CADM2: variants seen among roughly 807,000 people sequenced by gnomAD.
CADM2 encodes cell adhesion molecule 2.
Under a neutral mutation model 49.8 loss-of-function variants are expected in CADM2, and 12 were observed. The ratio of observed to expected loss-of-function variants is 0.24; its 90% CI spans 0.15 to 0.39. The LOEUF is 0.39. Among genes scored for constraint, CADM2 ranks in the 10% least tolerant of loss-of-function variants. The pLI is 1.00. For synonymous variants in CADM2, 214 were observed against 175.4 expected (o/e 1.22, Z -1.74); for missense variants, 378 against 492.3 (o/e 0.77, Z 2.20).
intron 1 of CADM2, among the ~76,000 whole-genome samples, chr3:85,455,422 T>G (rs1175817585): frequency 6.6e-6 from 1 of 152,214 alleles, no homozygotes; most frequent in Non-Finnish European, 1.5e-5. Flanking sequence ...ACATCCACCC[T>G]ACTGATGTCT....
At chr3:85,125,905 T>C (rs911636551) in intron 1 of CADM2, among the ~76,000 whole-genome samples, 1 of 152,234 alleles carries the variant, frequency 6.6e-6, no homozygotes, top group Non-Finnish European at 1.5e-5. Flanking sequence ...TAGAAGCCAA[T>C]CCTCAGGTAA....
intron 1 of CADM2, among the ~76,000 whole-genome samples, chr3:84,994,703 A>T (rs2033079482): frequency 6.6e-6 from 1 of 152,150 alleles, no homozygotes; most frequent in Non-Finnish European, 1.5e-5. Flanking sequence ...ATATTTTTGG[A>T]TATACATAAA....
At chr3:85,170,405 C>G (rs1215577725) in intron 1 of CADM2, among the ~76,000 whole-genome samples, 1 of 150,836 alleles carries the variant, frequency 6.6e-6, no homozygotes, top group Non-Finnish European at 1.5e-5. Flanking sequence ...GTGGCGCGAT[C>G]TCAGCTCACT....
At chr3:85,986,253 C>G (rs776784507) in intron 8 of CADM2, among the ~76,000 whole-genome samples, 7 of 151,416 alleles carry the variant, frequency 4.6e-5, no homozygotes, top group Admixed American at 4.6e-4. Context: ...AAAGAAACAT[C>G]AGAATAAAAG....
rs191128035 is a variant in CADM2, at chr3:86,064,526, G to A, written c.971-1079G>A. Among the ~76,000 whole-genome samples, 69 of 152,272 alleles carry A rather than the reference G, an allele frequency of 4.5e-4. 1 individual carries two copies. In the East Asian group the frequency reaches 0.012, roughly 27 times the overall value. Reference sequence around the variant, plus strand: ...TGCCGCAATAAACATGTGTGTGCACGTGTCTTTATAGCAGCATGATTTATA... The same window carrying A: ...TGCCGCAATAAACATGTGTGTGCACATGTCTTTATAGCAGCATGATTTATA... On this transcript the variant is annotated intron_variant, in intron 8 of 9. Transcript: ENST00000383699.
intron 1 of CADM2, among the ~76,000 whole-genome samples, chr3:85,425,489 AT>A (rs2036358436): frequency 6.6e-6 from 1 of 152,182 alleles, no homozygotes; most frequent in South Asian, 2.1e-4. Flanking sequence ...ATATGTATCT[AT>A]TTTGTGTGTG....
intron 1 of CADM2, among the ~76,000 whole-genome samples, chr3:84,963,930 G>T (rs949556944): frequency 1.3e-5 from 2 of 152,084 alleles, no homozygotes; most frequent in Non-Finnish European, 2.9e-5. Context: ...TTGGAAAGTG[G>T]AGCCTATATA....
intron 1 of CADM2, among the ~76,000 whole-genome samples, chr3:85,004,041 A>G (rs779463326): frequency 2.6e-5 from 4 of 152,158 alleles, no homozygotes; most frequent in Non-Finnish European, 5.9e-5. Flanking sequence ...ACTTTTTAAG[A>G]GGCTGTTGAG....
chr3:85,288,452 G>A (rs184903665), intron 1 of CADM2, among the ~76,000 whole-genome samples: 7 of 151,822 alleles, frequency 4.6e-5, no homozygotes, highest in East Asian at 3.9e-4. Context: ...CATATATTCT[G>A]CAAAGAAAAT....
At chr3:85,365,276 C>T (rs2032686483) in intron 1 of CADM2, among the ~76,000 whole-genome samples, 1 of 142,514 alleles carries the variant, frequency 7.0e-6, no homozygotes, top group South Asian at 2.3e-4. Context: ...ATGAAGGCTG[C>T]AATCAGCTGT....
chr3:85,489,602 A>G (rs1286707972), intron 1 of CADM2, among the ~76,000 whole-genome samples: 2 of 152,032 alleles, frequency 1.3e-5, no homozygotes, highest in African/African-American at 4.8e-5. Context: ...ATGTATACAT[A>G]TGTAACTAAC....
chr3:85,150,516 A>T (rs552729465), intron 1 of CADM2, among the ~76,000 whole-genome samples: 2 of 152,210 alleles, frequency 1.3e-5, no homozygotes, highest in Non-Finnish European at 2.9e-5. Flanking sequence ...GTTATGAAGT[A>T]GTTAGCATAC....
chr3:85,729,878 G>A (rs1031977369), intron 2 of CADM2, among the ~76,000 whole-genome samples: 1 of 151,998 alleles, frequency 6.6e-6, no homozygotes, highest in Admixed American at 6.6e-5. Context: ...TAACTGTTAA[G>A]CTTTTGTCTG....
chr3:85,693,826 G>A (rs1173859203), intron 1 of CADM2, among the ~76,000 whole-genome samples: 3 of 149,132 alleles, frequency 2.0e-5, no homozygotes, highest in African/African-American at 7.4e-5. Flanking sequence ...AACCCGGGAG[G>A]CAGAGGTTGC....
chr3:85,756,822 A>C (rs994716552), intron 2 of CADM2, among the ~76,000 whole-genome samples: 1 of 152,186 alleles, frequency 6.6e-6, no homozygotes, highest in Non-Finnish European at 1.5e-5. Flanking sequence ...TTTTTGAATC[A>C]ACTCTATGAT....
chr3:85,664,286 T>C (rs1398909625), intron 1 of CADM2, among the ~76,000 whole-genome samples: 1 of 152,008 alleles, frequency 6.6e-6, no homozygotes, highest in Admixed American at 6.6e-5. Flanking sequence ...TTCAGACACA[T>C]ATATTCAACC....
chr3:85,181,339 G>A (rs1186430321), intron 1 of CADM2, among the ~76,000 whole-genome samples: 3 of 151,864 alleles, frequency 2.0e-5, no homozygotes, highest in African/African-American at 4.8e-5. Context: ...GCTATTGAAA[G>A]GCATCTAAGT....
intron 1 of CADM2, among the ~76,000 whole-genome samples, chr3:85,108,273 A>G (rs1422440138): frequency 6.6e-6 from 1 of 152,222 alleles, no homozygotes; most frequent in Non-Finnish European, 1.5e-5. Flanking sequence ...TTCTAGCAGC[A>G]TTATTTACAA....
intron 1 of CADM2, among the ~76,000 whole-genome samples, chr3:85,722,455 C>A (rs1244527780): frequency 6.6e-6 from 1 of 152,178 alleles, no homozygotes; most frequent in East Asian, 1.9e-4. Context: ...ATAACAGACA[C>A]AAGGCCCAAA....
Sources: gnomAD v4.1 joint callset for allele counts (sites outside exome capture counted in the v4.1 genomes callset) on GRCh38, gnomAD v4.1.1 for gene constraint, MANE v1.5 for transcripts, NCBI Gene and HGNC (gene_info 2026-07-23, HGNC 2026-07-21) for gene names.